Variants in MYO10 observed in about 807,000 individuals in gnomAD.
MYO10 encodes unconventional myosin-X.
MYO10 carries 133 observed loss-of-function variants against 257.3 expected under a neutral mutation model. That is an observed-to-expected ratio of 0.52 (90% CI 0.45 to 0.60). The LOEUF (loss-of-function observed/expected upper bound fraction) is 0.60. MYO10 is among the 20% of genes least tolerant of loss of function. MYO10 has a pLI of 0.00. For missense variants in MYO10, 2,399 were observed against 2,635.7 expected (o/e 0.91, Z 1.97); for synonymous variants, 1,104 against 1,028.6 (o/e 1.07, Z -1.40).
intron 2 of MYO10, among the ~76,000 whole-genome samples, chr5:16,856,000 T>C (rs1328427181): frequency 6.6e-6 from 1 of 152,226 alleles, no homozygotes. Context: ...CGACGGACTT[T>C]AACGTCTGAA....
At chr5:16,760,985 T>G (rs557738991) in intron 17 of MYO10, among the ~76,000 whole-genome samples, 2 of 145,758 alleles carry the variant, frequency 1.4e-5, no homozygotes, top group Non-Finnish European at 3.0e-5. Flanking sequence ...TATTATTAAT[T>G]TATTTATTTA....
rs1738033801 is a variant in MYO10 at position 16,701,130 on chromosome 5, AGTCGCC to A, written c.3259_3264del (p.Gly1087_Asp1088del). On this transcript the variant is annotated inframe_deletion, in exon 25 of 41. Transcript: ENST00000513610. This position sits in a 1 kb window ranked among gnomAD's most constrained non-coding sequence, Gnocchi z 8.1. Reference sequence around the variant, plus strand: ...TCATAGTCATCCTGGTCGTAGTCGTAGTCGCCGTCTGGGGAGGGCAAGTCCCCAGCG... The same window carrying A: ...TCATAGTCATCCTGGTCGTAGTCGTAGTCTGGGGAGGGCAAGTCCCCAGCG... The A allele has an allele frequency of 3.1e-6, 5 of 1,597,520 alleles. No homozygotes were observed. The highest frequency in any genetic ancestry group is 4.3e-6 in the Non-Finnish European group (5 of 1,172,362).
chr5:16,784,484 C>T (rs1434908122), intron 4 of MYO10, among the ~76,000 whole-genome samples: 4 of 152,136 alleles, frequency 2.6e-5, no homozygotes, highest in Non-Finnish European at 5.9e-5. Flanking sequence ...AGGCTGGAGA[C>T]GGAGAGGAAG....
At chr5:16,819,786 G>C (rs1742742535) in intron 2 of MYO10, among the ~76,000 whole-genome samples, 1 of 152,140 alleles carries the variant, frequency 6.6e-6, no homozygotes, top group African/African-American at 2.4e-5. Context: ...CCAATCCAAT[G>C]GTTTTTTTTC....
At chr5:16,671,102 A>G in intron 38 of MYO10, 124 bp from the exon 39 acceptor site, 1 of 935,500 alleles carries the variant, frequency 1.1e-6, no homozygotes. Context: ...TGCCCTGGCT[A>G]AAACTGTACC....
At chr5:16,789,969 A>T (rs985496790) in intron 4 of MYO10, among the ~76,000 whole-genome samples, 1 of 151,978 alleles carries the variant, frequency 6.6e-6, no homozygotes, top group Non-Finnish European at 1.5e-5. Context: ...CTTCTCGATG[A>T]ATTTCAGTTC....
At chr5:16,715,840 G>A (rs1738846318) in intron 19 of MYO10, among the ~76,000 whole-genome samples, 1 of 152,154 alleles carries the variant, frequency 6.6e-6, no homozygotes, top group African/African-American at 2.4e-5. Flanking sequence ...TGGATCACCT[G>A]AGGTCAGCAG....
intron 1 of MYO10, among the ~76,000 whole-genome samples, chr5:16,934,095 AAC>A: frequency 6.6e-6 from 1 of 152,374 alleles, no homozygotes; most frequent in African/African-American, 2.4e-5. Flanking sequence ...AATAAAATCC[AAC>A]AACCAGGCCC....
chr5:16,791,227 G>A (rs1741747015), intron 4 of MYO10, among the ~76,000 whole-genome samples: 2 of 152,094 alleles, frequency 1.3e-5, no homozygotes, highest in Admixed American at 1.3e-4. Context: ...CCAGCAGGGG[G>A]CAGATCATGC....
At chr5:16,810,203 G>C (rs1211958643) in intron 3 of MYO10, among the ~76,000 whole-genome samples, 1 of 152,082 alleles carries the variant, frequency 6.6e-6, no homozygotes, top group Non-Finnish European at 1.5e-5. Flanking sequence ...ACAGAAAACA[G>C]GCACCTAAAA....
chr5:16,691,734 C>T (rs1488604296), intron 27 of MYO10, among the ~76,000 whole-genome samples: 1 of 151,594 alleles, frequency 6.6e-6, no homozygotes, highest in Non-Finnish European at 1.5e-5. Flanking sequence ...AGAACTACTG[C>T]TGACATCACA....
chr5:16,673,534 G>T, intron 36 of MYO10, 148 bp downstream of exon 36: 1 of 722,178 alleles, frequency 1.4e-6, no homozygotes. Flanking sequence ...TTGCTTCTGG[G>T]TTACATGCAT....
chr5:16,696,855 C>CAA lies in MYO10; in HGVS notation c.3557-2243_3557-2242dup, dbSNP rs11284007. 9.4e-3 allele frequency among the ~76,000 whole-genome samples: 930 copies of CAA among 99,064 alleles called. 5 individuals carry two copies. Among genetic ancestry groups the CAA allele is most frequent in the Non-Finnish European group, 0.012 (578 of 46,358 alleles). The allele number at this position is 99,064 out of a possible 152,430, so 65.0% of individuals were successfully genotyped here. Reference sequence around the variant, plus strand: ...TGGGTGACAGAGCGAGACTCTGTCTCAAAAAAAAAAAAAAAAAAATCAATG... The same window carrying CAA: ...TGGGTGACAGAGCGAGACTCTGTCTCAAAAAAAAAAAAAAAAAAAAATCAATG... On this transcript the variant is annotated intron_variant, in intron 26 of 40. Coordinates refer to ENST00000513610, the MANE Select transcript of MYO10 (RefSeq NM_012334.3).
chr5:16,919,843 T>G (rs1370169674), intron 1 of MYO10, among the ~76,000 whole-genome samples: 1 of 152,096 alleles, frequency 6.6e-6, no homozygotes, highest in Non-Finnish European at 1.5e-5. Flanking sequence ...CCGGGTGTGG[T>G]GGCTCACACC....
intron 26 of MYO10, among the ~76,000 whole-genome samples, chr5:16,698,103 G>T (rs981967321): frequency 6.6e-6 from 1 of 152,194 alleles, no homozygotes; most frequent in Non-Finnish European, 1.5e-5. Flanking sequence ...AGGCATGGTG[G>T]CTCATGCCTG....
chr5:16,833,950 T>C (rs548119208), intron 2 of MYO10, among the ~76,000 whole-genome samples: 1 of 152,324 alleles, frequency 6.6e-6, no homozygotes, highest in South Asian at 2.1e-4. Flanking sequence ...TGGAATTCTC[T>C]GACAGTTGTT....
chr5:16,922,546 A>G (rs1183738600), intron 1 of MYO10, among the ~76,000 whole-genome samples: 1 of 152,202 alleles, frequency 6.6e-6, no homozygotes, highest in Non-Finnish European at 1.5e-5. Context: ...TGACCCATTC[A>G]GCAACCTCTA....
chr5:16,813,189 A>G (rs549107811), intron 3 of MYO10, among the ~76,000 whole-genome samples: 61 of 152,200 alleles, frequency 4.0e-4, no homozygotes, highest in Non-Finnish European at 7.8e-4. Flanking sequence ...GCAGGGGGAA[A>G]ATGCCACAGG....
chr5:16,810,897 G>T (rs753759976), intron 3 of MYO10, among the ~76,000 whole-genome samples: 3 of 151,964 alleles, frequency 2.0e-5, no homozygotes, highest in Non-Finnish European at 2.9e-5. Flanking sequence ...GTGAAACCCT[G>T]TATCTACAAA....
Sources: allele counts gnomAD v4.1 joint callset (sites outside exome capture counted in the v4.1 genomes callset), GRCh38; gene constraint gnomAD v4.1.1; non-coding constraint Gnocchi (gnomAD v3.1); transcripts MANE v1.5; gene names NCBI Gene and HGNC (gene_info 2026-07-23, HGNC 2026-07-21).